The following PNPLA7 variants were observed in gnomAD, a reference collection of about 807,000 sequenced individuals.
PNPLA7 encodes the protein patatin-like phospholipase domain-containing protein 7.
Under a neutral mutation model 161.7 loss-of-function variants are expected in PNPLA7, and 153 were observed. The observed-to-expected ratio is 0.95, with a 90% confidence interval of 0.83 to 1.08. The LOEUF (loss-of-function observed/expected upper bound fraction) is 1.08. Among genes scored for constraint, PNPLA7 ranks in the 50% least tolerant of loss-of-function variants. The pLI is 0.00. For missense variants in PNPLA7, 1,739 were observed against 1,856.6 expected (o/e 0.94, Z 1.16); for synonymous variants, 809 against 782.1 (o/e 1.03, Z -0.57).
intron 30 of PNPLA7, 75 bp downstream of exon 30, chr9:137,462,609 TC>T: frequency 6.4e-7 from 1 of 1,550,710 alleles, no homozygotes. Context: ...CGACCCCCAC[TC>T]CCCTGCCGCA....
chr9:137,494,722 C>A (rs548891980), intron 19 of PNPLA7, among the ~76,000 whole-genome samples: 4 of 147,774 alleles, frequency 2.7e-5, no homozygotes. Flanking sequence ...ACCTGCTCTG[C>A]GCCCTCACCA....
intron 20 of PNPLA7, among the ~76,000 whole-genome samples, chr9:137,488,094 G>A (rs557948387): frequency 7.2e-5 from 11 of 152,356 alleles, no homozygotes; most frequent in Admixed American, 1.3e-4. Flanking sequence ...ACAGAAAGAC[G>A]GAGAACCGCC....
chr9:137,478,228 G>T (rs985207784), intron 24 of PNPLA7, 76 bp from the exon 25 acceptor site: 3 of 1,128,974 alleles, frequency 2.7e-6, no homozygotes, highest in Non-Finnish European at 2.3e-6. Context: ...GGCTTGACTG[G>T]GGGGAGTTTC....
chr9:137,532,899 C>T (rs12685481), intron 8 of PNPLA7, among the ~76,000 whole-genome samples: 20,162 of 151,970 alleles, frequency 0.13, 2,193 homozygotes, highest in East Asian at 0.58. Context: ...CCACTCCAGA[C>T]GGGAGCACTC....
At chr9:137,539,905 C>A (rs1470970381) in intron 8 of PNPLA7, among the ~76,000 whole-genome samples, 1 of 152,132 alleles carries the variant, frequency 6.6e-6, no homozygotes, top group Non-Finnish European at 1.5e-5. Flanking sequence ...CCTGCCTCAG[C>A]CTCCCAAGTA....
In PNPLA7 at chr9:137,550,241, C is replaced by G. The variant is rs1836778965; in HGVS notation, c.-44G>C. On this transcript the variant is annotated 5_prime_UTR_variant, in exon 1 of 35. Coordinates refer to ENST00000406427, the MANE Select transcript of PNPLA7 (RefSeq NM_001098537.3). Reference sequence around the variant, plus strand: ...CAGTCAGGGGCGAAAAGCAGACAGCCTGAAGCAAACAAGGGCACACCTCTA... The same window carrying G: ...CAGTCAGGGGCGAAAAGCAGACAGCGTGAAGCAAACAAGGGCACACCTCTA... The G allele has an allele frequency of 1.2e-6, 2 of 1,611,914 alleles. No individual in the cohort carries two copies. Among genetic ancestry groups the G allele is most frequent in the African/African-American group, 1.3e-5 (1 of 74,904 alleles).
In PNPLA7 at chr9:137,524,491, T is replaced by C. The variant is rs775260159; in HGVS notation, c.748-1634A>G. Among the ~76,000 whole-genome samples, 11 of 152,258 alleles carry C rather than the reference T, an allele frequency of 7.2e-5. No individual in the cohort carries two copies. Among genetic ancestry groups the C allele is most frequent in the Non-Finnish European group, 1.5e-4 (10 of 68,044 alleles). On this transcript the variant is annotated intron_variant, in intron 8 of 34. Coordinates refer to ENST00000406427, the MANE Select transcript of PNPLA7 (RefSeq NM_001098537.3). This position sits in a 1 kb window ranked among gnomAD's most constrained non-coding sequence, Gnocchi z 4.4. The stretch of plus-strand genomic sequence containing the variant: ...CGAAGGATATTTGTGTTGTTTCCAC[T>C]GGGGACAATTCTAAATAAAGCTGCT...
At position 137,494,737 on chromosome 9, in the gene PNPLA7, C is replaced by T. The variant is rs143715278; in HGVS notation, c.2127+296G>A. ...ACCTGCTCTGCGCCCTCACCAGCTC[C>T]GCACCCTCACCTGCGCCCTGCCCTC... On this transcript the variant is annotated intron_variant, in intron 19 of 34. Transcript: ENST00000406427. 8.7e-3 allele frequency among the ~76,000 whole-genome samples: 1,294 copies of T among 149,340 alleles called. 9 individuals carry two copies. The highest frequency in any genetic ancestry group is 0.011 in the Non-Finnish European group (754 of 67,282).
chr9:137,539,937 C>T (rs1836101288), intron 8 of PNPLA7, among the ~76,000 whole-genome samples: 1 of 152,126 alleles, frequency 6.6e-6, no homozygotes, highest in Non-Finnish European at 1.5e-5. Flanking sequence ...TGGCGCCTGC[C>T]CCTACACCCA....
chr9:137,534,285 C>G (rs1339017893), intron 8 of PNPLA7, among the ~76,000 whole-genome samples: 5 of 151,816 alleles, frequency 3.3e-5, no homozygotes, highest in Non-Finnish European at 7.4e-5. Context: ...AGTGTCCACT[C>G]CAGACGGGGG....
Position 137,541,813 on chromosome 9 carries a change from G to A in PNPLA7, c.666+829C>T, listed in dbSNP as rs150480804. Among the ~76,000 whole-genome samples the A allele has an allele frequency of 6.6e-5, 10 of 151,616 alleles. No individual in the cohort carries two copies. Among genetic ancestry groups the A allele is most frequent in the East Asian group, 5.8e-4 (3 of 5,148 alleles). On this transcript the variant is annotated intron_variant, in intron 7 of 34. Transcript: ENST00000406427. This position sits in a 1 kb window ranked among gnomAD's most constrained non-coding sequence, Gnocchi z 4.4. Reference sequence around the variant, plus strand: ...TTTTTTTTTTTTGAGACAGGGTCTCGCTCTGTCGCCCAGGCTGGAGTGCAG... The same window carrying A: ...TTTTTTTTTTTTGAGACAGGGTCTCACTCTGTCGCCCAGGCTGGAGTGCAG...
chr9:137,482,968 G>A (rs1174750850), intron 21 of PNPLA7, among the ~76,000 whole-genome samples: 4 of 152,154 alleles, frequency 2.6e-5, no homozygotes, highest in Non-Finnish European at 5.9e-5. Flanking sequence ...CACTTCCCGG[G>A]GTCAAGCGAT....
At chr9:137,501,838 C>T (rs535023060) in intron 14 of PNPLA7, 111 bp from the exon 15 acceptor site, 141 of 1,091,444 alleles carry the variant, frequency 1.3e-4, no homozygotes, top group Middle Eastern at 8.1e-4. Flanking sequence ...GGCCAGAGGC[C>T]GGGCAAGGCC....
rs1836248510 is a variant in PNPLA7 at position 137,542,327 on chromosome 9, T to C, written c.666+315A>G. 1.3e-5 allele frequency among the ~76,000 whole-genome samples: 2 copies of C among 151,960 alleles called. 1 individual carries two copies. The highest frequency in any genetic ancestry group is 1.3e-4 in the Admixed American group (2 of 15,246). On this transcript the variant is annotated intron_variant, in intron 7 of 34. Coordinates refer to ENST00000406427, the MANE Select transcript of PNPLA7 (RefSeq NM_001098537.3). ...CTACAAAAAAATTTTATAAGTGAGC[T>C]GGGCATGGTGACATACACCTGTAAT...
Position 137,543,624 on chromosome 9 carries a change from C to T in PNPLA7, c.366-52G>A. Reference sequence around the variant, plus strand: ...GAGCAGACCAGGCGGGTTCGAAACCCACAGCATCAGTGGCTGACACACCAG... The same window carrying T: ...GAGCAGACCAGGCGGGTTCGAAACCTACAGCATCAGTGGCTGACACACCAG... On this transcript the variant is annotated intron_variant, in intron 5 of 34. Coordinates refer to ENST00000406427, the MANE Select transcript of PNPLA7 (RefSeq NM_001098537.3). The surrounding 1 kb of genome is among the most constrained non-coding windows in gnomAD (Gnocchi z 6.9). 1 of 1,607,192 alleles carries T rather than the reference C, an allele frequency of 6.2e-7. No individual in the cohort carries two copies. Among genetic ancestry groups the T allele is most frequent in the East Asian group, 2.2e-5 (1 of 44,806 alleles).
intron 17 of PNPLA7, among the ~76,000 whole-genome samples, chr9:137,497,570 C>T (rs1833131250): frequency 6.6e-6 from 1 of 152,352 alleles, no homozygotes; most frequent in East Asian, 1.9e-4. Flanking sequence ...CTCTGTCGCC[C>T]AGGCTGAAGT....
At chr9:137,529,450 G>A (rs945438482) in intron 8 of PNPLA7, among the ~76,000 whole-genome samples, 4 of 152,144 alleles carry the variant, frequency 2.6e-5, no homozygotes, top group African/African-American at 9.7e-5. Flanking sequence ...ATAATGGCTG[G>A]GTTTAGGATA....
chr9:137,463,508 C>T lies in PNPLA7; in HGVS notation c.3250G>A (p.Ala1084Thr). The stretch of plus-strand genomic sequence containing the variant: ...ATGTAACCGGACAGGGACATGCTGG[C>T]ACGCACGTACCACCACAGGGAGCCT... The part of the protein sequence containing the change: ...TDGSLWWYVR[A>T]SMSLSGYMPP... Residue 1084 changes from alanine (A) to threonine (T), a missense_variant, in exon 29 of 35, where the codon GCC becomes ACC. Around this residue, in one of 6 missense-constraint regions of PNPLA7, gnomAD observed 703 missense variants for 694.6 expected, o/e 1.01. Transcript: ENST00000406427. The T allele has an allele frequency of 1.3e-6, 2 of 1,586,868 alleles. No individual in the cohort carries two copies. Among genetic ancestry groups the T allele is most frequent in the Non-Finnish European group, 8.6e-7 (1 of 1,166,968 alleles).
Position 137,493,083 on chromosome 9 carries a change from C to A in PNPLA7, c.2128-1G>T, listed in dbSNP as rs1832859557. ...AGAGATGAATCAGCCGAGTCACCAC[C>A]TGCGGGCAGACACAGGAGCCAAGAG... On this transcript the variant is annotated splice_acceptor_variant, in intron 19 of 34. Transcript: ENST00000406427. LOFTEE classifies it high-confidence loss of function. 6.2e-7 allele frequency: 1 copy of A among 1,613,790 alleles called. No homozygotes were observed. The highest frequency in any genetic ancestry group is 1.3e-5 in the African/African-American group (1 of 74,920).
Sources: gnomAD v4.1 joint callset for allele counts (sites outside exome capture counted in the v4.1 genomes callset) on GRCh38, gnomAD v4.1.1 for gene constraint, gnomAD v4.1.1 regional missense constraint, Gnocchi (gnomAD v3.1) non-coding constraint, MANE v1.5 for transcripts, NCBI Gene and HGNC (gene_info 2026-07-23, HGNC 2026-07-21) for gene names.